Variants in BANK1 observed in about 807,000 individuals in gnomAD.
BANK1 encodes B-cell scaffold protein with ankyrin repeats.
BANK1 carries 95 observed loss-of-function variants against 94.5 expected under a neutral mutation model. The ratio of observed to expected loss-of-function variants is 1.00; its 90% CI spans 0.85 to 1.19. The LOEUF is 1.19. Among genes scored for constraint, BANK1 ranks in the 50% most tolerant of loss-of-function variants. BANK1 has a pLI of 0.00. For missense variants in BANK1, 987 were observed against 932.2 expected, an observed-to-expected ratio of 1.06 and a Z score of -0.77; for synonymous variants, 334 against 308.4, an observed-to-expected ratio of 1.08 and a Z score of -0.87.
At chr4:101,909,398 G>C (rs888880284) in intron 6 of BANK1, among the ~76,000 whole-genome samples, 10 of 152,164 alleles carry the variant, frequency 6.6e-5, no homozygotes, top group African/African-American at 2.4e-4. Flanking sequence ...GTCGTGGGGT[G>C]GGGGTAGGGA....
intron 7 of BANK1, among the ~76,000 whole-genome samples, chr4:101,956,498 T>C (rs1724350275): frequency 6.6e-6 from 1 of 152,178 alleles, no homozygotes; most frequent in Non-Finnish European, 1.5e-5. Context: ...CATCATCTAT[T>C]TCAGGCAGTT....
At chr4:101,948,335 C>G (rs1724009574) in intron 7 of BANK1, among the ~76,000 whole-genome samples, 1 of 152,044 alleles carries the variant, frequency 6.6e-6, no homozygotes, top group Non-Finnish European at 1.5e-5. Flanking sequence ...GTGCACCATC[C>G]TCAGCCAAAT....
chr4:101,964,011 G>A (rs1204551838), intron 7 of BANK1, among the ~76,000 whole-genome samples: 2 of 152,090 alleles, frequency 1.3e-5, no homozygotes, highest in Admixed American at 6.6e-5. Context: ...CAAATCATTT[G>A]ATGTGAACTG....
At chr4:101,958,747 CCT>C (rs1724459048) in intron 7 of BANK1, among the ~76,000 whole-genome samples, 1 of 152,062 alleles carries the variant, frequency 6.6e-6, no homozygotes, top group African/African-American at 2.4e-5. Flanking sequence ...TGACATCCAT[CCT>C]CTCTACACAT....
At chr4:102,017,417 T>A (rs1458334392) in intron 7 of BANK1, among the ~76,000 whole-genome samples, 3 of 152,168 alleles carry the variant, frequency 2.0e-5, no homozygotes, top group African/African-American at 7.2e-5. Context: ...TAAAGCTGAA[T>A]CATGGGCAAA....
chr4:101,938,172 G>T (rs1204853322), intron 7 of BANK1, among the ~76,000 whole-genome samples: 1 of 151,674 alleles, frequency 6.6e-6, no homozygotes, highest in Non-Finnish European at 1.5e-5. Flanking sequence ...AACCACCATG[G>T]CACGTGTATA....
intron 11 of BANK1, among the ~76,000 whole-genome samples, chr4:102,051,981 G>T (rs1728063929): frequency 6.6e-6 from 1 of 152,124 alleles, no homozygotes; most frequent in African/African-American, 2.4e-5. Flanking sequence ...CTGGGATCTT[G>T]AGTTGCGAAC....
chr4:101,952,782 A>G (rs1312289517), intron 7 of BANK1, among the ~76,000 whole-genome samples: 1 of 152,144 alleles, frequency 6.6e-6, no homozygotes, highest in African/African-American at 2.4e-5. Flanking sequence ...TTTCACAGTT[A>G]AGAAATGGCA....
Position 102,030,258 on chromosome 4 carries a change from A to C in BANK1, c.1893A>C (p.Ile631=). 6.4e-7 allele frequency: 1 copy of C among 1,569,028 alleles called. No individual in the cohort carries two copies. Among genetic ancestry groups the C allele is most frequent in the Non-Finnish European group, 8.6e-7 (1 of 1,165,630 alleles). Residue 631 remains isoleucine, a synonymous_variant, in exon 10 of 17, where the codon ATA becomes ATC. Transcript: ENST00000322953. ...CAAAAGAGGAAACTACACCTTACAT[A>C]GCTCAAGGTAATTATCATTGTTGTT... The part of the protein sequence containing the change: ...IPPKEETTPY[I]AQVFQQKTAR...
At chr4:102,004,577 G>A (rs1578449061) in intron 7 of BANK1, among the ~76,000 whole-genome samples, 1 of 152,160 alleles carries the variant, frequency 6.6e-6, no homozygotes. Flanking sequence ...AGTGCCAGAT[G>A]TAAGGATTTT....
chr4:101,839,068 A>G (rs981268362), intron 2 of BANK1, among the ~76,000 whole-genome samples: 48 of 152,220 alleles, frequency 3.2e-4, no homozygotes, highest in African/African-American at 1.2e-3. Flanking sequence ...CTAAATTAAA[A>G]AATAAAGATT....
intron 1 of BANK1, among the ~76,000 whole-genome samples, chr4:101,819,152 G>C (rs1031192644): frequency 2.0e-5 from 3 of 151,914 alleles, no homozygotes; most frequent in African/African-American, 4.8e-5. Flanking sequence ...AAAATACCAT[G>C]GTGGTATTTT....
At position 101,962,872 on chromosome 4, in the gene BANK1, TGC is replaced by T. The variant is rs150524072; in HGVS notation, c.1206+44684_1206+44685del. 7.3e-3 allele frequency among the ~76,000 whole-genome samples: 1,118 copies of T among 152,220 alleles called. 11 individuals are homozygous for T. The highest frequency in any genetic ancestry group is 0.025 in the African/African-American group (1,058 of 41,540). ...CCAGACATTTTTTAATTAAAAGCAATGCTACAATTAGGTCATCATTGATATAT... is the reference window on the plus strand; with the variant it reads ...CCAGACATTTTTTAATTAAAAGCAATTACAATTAGGTCATCATTGATATAT... On this transcript the variant is annotated intron_variant, in intron 7 of 16. Coordinates refer to ENST00000322953, the MANE Select transcript of BANK1 (RefSeq NM_017935.5).
chr4:101,937,711 C>T (rs553571431), intron 7 of BANK1, among the ~76,000 whole-genome samples: 18 of 151,930 alleles, frequency 1.2e-4, no homozygotes, highest in African/African-American at 4.1e-4. Context: ...ACCAGAAATG[C>T]CATTTGACCC....
At chr4:101,795,061 AT>A (rs5860693) in intron 1 of BANK1, among the ~76,000 whole-genome samples, 93,032 of 151,082 alleles carry the variant, frequency 0.62, 29,259 homozygotes, top group African/African-American at 0.75. Context: ...TATATGCCTC[AT>A]TTTTTTTTTC....
chr4:101,994,031 T>G (rs1430170820), intron 7 of BANK1, among the ~76,000 whole-genome samples: 1 of 152,244 alleles, frequency 6.6e-6, no homozygotes, highest in Non-Finnish European at 1.5e-5. Context: ...TGTGACCTTG[T>G]GCATAGCACC....
At chr4:102,019,786 T>C (rs1726829219) in intron 7 of BANK1, among the ~76,000 whole-genome samples, 1 of 151,780 alleles carries the variant, frequency 6.6e-6, no homozygotes. Flanking sequence ...TTTTTTAGCA[T>C]AAATATTTCT....
rs1040746099 is a variant in BANK1, at chr4:101,992,030, A to G, written c.1207-29484A>G. On this transcript the variant is annotated intron_variant, in intron 7 of 16. Transcript: ENST00000322953. ...AGGACATAAGAAATGCTTTCAACCC[A>G]TGTTACGGAAACCCTTCAATTTGCA... Among the ~76,000 whole-genome samples the G allele has an allele frequency of 5.9e-5, 9 of 152,282 alleles. No individual in the cohort carries two copies. In the South Asian group the frequency reaches 1.9e-3, roughly 32 times the overall value.
chr4:101,829,657 T>A (rs1726525367), intron 1 of BANK1, 151 bp from the exon 2 acceptor site: 1 of 421,624 alleles, frequency 2.4e-6, no homozygotes. Context: ...TAATCTATGA[T>A]TTTTTATACT....
Sources: gnomAD v4.1 joint callset for allele counts (sites outside exome capture counted in the v4.1 genomes callset) on GRCh38, gnomAD v4.1.1 for gene constraint, MANE v1.5 for transcripts, NCBI Gene and HGNC (gene_info 2026-07-23, HGNC 2026-07-21) for gene names.